The following AMOTL1 variants were observed in gnomAD, a reference collection of about 807,000 sequenced individuals.
The protein encoded by AMOTL1 is angiomotin like 1, also known as angiomotin-like protein 1.
AMOTL1 carries 45 observed loss-of-function variants against 102.9 expected under a neutral mutation model. The observed-to-expected ratio is 0.44, with a 90% CI of 0.34 to 0.56. AMOTL1 has a LOEUF of 0.56. AMOTL1 is among the 20% of genes least tolerant of loss of function. The pLI, the probability that AMOTL1 is intolerant of heterozygous loss-of-function variation, is 0.01. For missense variants in AMOTL1, 1,114 were observed against 1,225.6 expected, an observed-to-expected ratio of 0.91 and a Z score of 1.36; for synonymous variants, 481 against 484.7, an observed-to-expected ratio of 0.99 and a Z score of 0.10.
chr11:94,733,157 T>C (rs530001431), intron 2 of AMOTL1, among the ~76,000 whole-genome samples: 1 of 152,376 alleles, frequency 6.6e-6, no homozygotes, highest in South Asian at 2.1e-4. Flanking sequence ...ACTCAGGTCT[T>C]CATACTCCAG....
At chr11:94,833,119 C>T (rs1375517926) in intron 6 of AMOTL1, among the ~76,000 whole-genome samples, 3 of 152,226 alleles carry the variant, frequency 2.0e-5, no homozygotes, top group Non-Finnish European at 4.4e-5. Context: ...AAATATGCTC[C>T]ACTTGTGTTC....
At position 94,799,730 on chromosome 11, in the gene AMOTL1, G is replaced by A. The variant is rs1243341689; in HGVS notation, c.540G>A (p.Gln180=). ...TGGAGAAACAGGTCCGGTCCACGCA[G>A]CCTCAGCAGAACAACGAGGAACTGC... ...TVMEKQVRST[Q]PQQNNEELPT... Residue 180 remains glutamine, a synonymous_variant, in exon 3 of 13, where the codon CAG becomes CAA. Transcript: ENST00000433060. This position sits in a 1 kb window ranked among gnomAD's most constrained non-coding sequence, Gnocchi z 4.5. 6.2e-7 allele frequency: 1 copy of A among 1,613,170 alleles called. No homozygotes were observed. The highest frequency in any genetic ancestry group is 8.5e-7 in the Non-Finnish European group (1 of 1,179,452).
At chr11:94,839,846 A>G (rs1952260755) in intron 6 of AMOTL1, among the ~76,000 whole-genome samples, 1 of 152,232 alleles carries the variant, frequency 6.6e-6, no homozygotes, top group Admixed American at 6.5e-5. Context: ...GAAAATTTTT[A>G]TACTAGAAGT....
chr11:94,746,440 T>C (rs1950591234), intron 3 of AMOTL1, among the ~76,000 whole-genome samples: 1 of 152,150 alleles, frequency 6.6e-6, no homozygotes. Context: ...GATATTTGGT[T>C]TGACATAGGA....
rs543358799 is a variant in AMOTL1, at chr11:94,745,542, T to C, written c.136+4554T>C. Among the ~76,000 whole-genome samples the C allele has an allele frequency of 6.6e-5, 10 of 152,320 alleles. No individual in the cohort carries two copies. The East Asian group carries it at 1.9e-3, about 29-fold the overall frequency. Reference sequence around the variant, plus strand: ...CAGGGATGAAAACCAAATATATGTATATTTTTTATTATGTTGTGTCATCAC... The same window carrying C: ...CAGGGATGAAAACCAAATATATGTACATTTTTTATTATGTTGTGTCATCAC... On this transcript the variant is annotated intron_variant, in intron 3 of 4. Transcript: ENST00000299004.
intron 1 of AMOTL1, among the ~76,000 whole-genome samples, chr11:94,709,370 A>AAG (rs1949984548): frequency 1.3e-5 from 2 of 151,726 alleles, no homozygotes; most frequent in Admixed American, 1.3e-4. Flanking sequence ...GGAGAAAAAA[A>AAG]AAAGTTCCTT....
chr11:94,851,741 G>A (rs1431092671), intron 7 of AMOTL1, among the ~76,000 whole-genome samples: 1 of 152,172 alleles, frequency 6.6e-6, no homozygotes, highest in African/African-American at 2.4e-5. Flanking sequence ...GATTAAATGA[G>A]ATACTACATA....
At chr11:94,797,880 G>C (rs1240619878) in intron 2 of AMOTL1, among the ~76,000 whole-genome samples, 1 of 152,200 alleles carries the variant, frequency 6.6e-6, no homozygotes, top group African/African-American at 2.4e-5. Context: ...TAGAATATCA[G>C]TTTCATCCTG....
chr11:94,849,247 A>G (rs977585081), intron 6 of AMOTL1, among the ~76,000 whole-genome samples: 87 of 152,214 alleles, frequency 5.7e-4, no homozygotes, highest in African/African-American at 2.1e-3. Context: ...TATTTGGCCA[A>G]TCTCTTACGT....
chr11:94,719,186 AT>A (rs1442674494), intron 1 of AMOTL1, among the ~76,000 whole-genome samples: 1 of 152,054 alleles, frequency 6.6e-6, no homozygotes, highest in Non-Finnish European at 1.5e-5. Context: ...TCTATTGATT[AT>A]TTTTTGGACT....
chr11:94,861,199 C>T (rs922230647), intron 9 of AMOTL1, among the ~76,000 whole-genome samples: 1 of 152,118 alleles, frequency 6.6e-6, no homozygotes, highest in African/African-American at 2.4e-5. Context: ...TGAGATGGTG[C>T]GGTGAAGTTC....
chr11:94,769,477 C>T (rs1018036767), intron 1 of AMOTL1, among the ~76,000 whole-genome samples: 7 of 152,226 alleles, frequency 4.6e-5, no homozygotes, highest in Non-Finnish European at 7.3e-5. Context: ...AGTTTCCCCC[C>T]TCAGAGCCCC....
chr11:94,728,385 T>G (rs141801535), intron 1 of AMOTL1, among the ~76,000 whole-genome samples: 192 of 152,314 alleles, frequency 1.3e-3, no homozygotes, highest in African/African-American at 4.5e-3. Flanking sequence ...CCATGGTCCC[T>G]CTTGGCTCTG....
At chr11:94,847,378 T>C (rs1222084696) in intron 6 of AMOTL1, among the ~76,000 whole-genome samples, 3 of 152,166 alleles carry the variant, frequency 2.0e-5, no homozygotes, top group Non-Finnish European at 2.9e-5. Flanking sequence ...AGCTATAATT[T>C]CTTGTTCAGT....
chr11:94,869,153 A>G, intron 11 of AMOTL1, 45 bp from the exon 12 acceptor site: 3 of 1,514,566 alleles, frequency 2.0e-6, no homozygotes, highest in Non-Finnish European at 2.7e-6. Context: ...TTAAAAAAAA[A>G]AAAAGGAAAA....
chr11:94,842,273 C>A (rs1481962714), intron 6 of AMOTL1, among the ~76,000 whole-genome samples: 1 of 152,152 alleles, frequency 6.6e-6, no homozygotes, highest in Non-Finnish European at 1.5e-5. Flanking sequence ...GGTTTCGACG[C>A]ACCGTGAAGA....
Position 94,864,250 on chromosome 11 carries a change from CAATAAT to C in AMOTL1, c.2136-462_2136-457del, listed in dbSNP as rs143730804. On this transcript the variant is annotated intron_variant, in intron 9 of 12. Coordinates refer to ENST00000433060, the MANE Select transcript of AMOTL1 (RefSeq NM_130847.3). ...ACAAGCATGGAAACACCAACAAATA[CAATAAT>C]AATAATAATAATAATAATAATAGTG... Among the ~76,000 whole-genome samples the C allele has an allele frequency of 3.5e-4, 53 of 150,166 alleles. 1 individual carries two copies. The highest frequency in any genetic ancestry group is 9.1e-4 in the African/African-American group (37 of 40,736).
chr11:94,821,800 C>A lies in AMOTL1; in HGVS notation c.1392C>A (p.Asp464Glu). The A allele has an allele frequency of 6.2e-7, 1 of 1,613,922 alleles. No individual in the cohort carries two copies. Among genetic ancestry groups the A allele is most frequent in the Non-Finnish European group, 8.5e-7 (1 of 1,179,808 alleles). Reference protein sequence around the residue: ...VLHQELQGYYDNADKLHKFEK... With the variant: ...VLHQELQGYYENADKLHKFEK... ...ACCAGGAACTTCAGGGTTACTACGA[C>A]AATGCCGACAAGCTCCACAAGGTGC... is the stretch of plus-strand genomic sequence containing the variant. The change falls in exon 4 of 13, where the codon GAC becomes GAA. Residue 464 changes from aspartate to glutamate, a missense_variant. Transcript: ENST00000433060.
In AMOTL1 at chr11:94,850,812, G is replaced by A. The variant is rs16921099; in HGVS notation, c.1794+553G>A. Among the ~76,000 whole-genome samples, 1,010 of 152,264 alleles carry A rather than the reference G, an allele frequency of 6.6e-3. 12 individuals are homozygous for A. The highest frequency in any genetic ancestry group is 0.023 in the African/African-American group (949 of 41,554). ...ACACAGGCTTACCTGAGCAGGATCC[G>A]TTCCAGGAAGTAGAAGCCCAAAGTC... On this transcript the variant is annotated intron_variant, in intron 7 of 12. Coordinates refer to ENST00000433060, the MANE Select transcript of AMOTL1 (RefSeq NM_130847.3).
Sources: allele counts gnomAD v4.1 joint callset (sites outside exome capture counted in the v4.1 genomes callset), GRCh38; gene constraint gnomAD v4.1.1; non-coding constraint Gnocchi (gnomAD v3.1); transcripts MANE v1.5; gene names NCBI Gene and HGNC (gene_info 2026-07-23, HGNC 2026-07-21).